SAMD12: variants seen among roughly 807,000 people sequenced by gnomAD.
The protein encoded by SAMD12 is sterile alpha motif domain containing 12, also known as sterile alpha motif domain-containing protein 12.
In SAMD12, 9 loss-of-function variants were observed where a neutral mutation model predicts 15.0. The observed-to-expected ratio is 0.60, with a 90% CI of 0.36 to 1.05. SAMD12 has a LOEUF of 1.05. SAMD12 is among the 50% of genes least tolerant of loss of function. SAMD12 has a pLI of 0.01. For missense variants in SAMD12, 230 were observed against 234.2 expected, an observed-to-expected ratio of 0.98 and a Z score of 0.12; for synonymous variants, 86 against 90.1, an observed-to-expected ratio of 0.96 and a Z score of 0.25.
At chr8:118,188,461 AAGGTTATCAC>A (rs1381135328), downstream of SAMD12, among the ~76,000 whole-genome samples, 1 of 152,202 alleles carries the variant, frequency 6.6e-6, no homozygotes, top group Non-Finnish European at 1.5e-5. Context: ...GCTAACCTAA[AAGGTTATCAC>A]AGGTTTTACT....
chr8:118,348,183 C>G (rs1410399253), intron 4 of SAMD12, among the ~76,000 whole-genome samples: 1 of 151,952 alleles, frequency 6.6e-6, no homozygotes. Context: ...ATCAAGTGAT[C>G]CTCCCACCTC....
chr8:118,183,904 C>T, the SAMD12 span, among the ~76,000 whole-genome samples: 1 of 152,114 alleles, frequency 6.6e-6, no homozygotes, highest in Non-Finnish European at 1.5e-5. Context: ...GCTTAGCTCT[C>T]ACTTGTGAAA....
chr8:118,535,404 C>A (rs1161566202), intron 2 of SAMD12, among the ~76,000 whole-genome samples: 1 of 152,240 alleles, frequency 6.6e-6, no homozygotes, highest in Non-Finnish European at 1.5e-5. Flanking sequence ...CAGGGACCCA[C>A]TTGAGGACGC....
intron 4 of SAMD12, among the ~76,000 whole-genome samples, chr8:118,335,708 C>A (rs1324392387): frequency 6.6e-6 from 1 of 152,142 alleles, no homozygotes; most frequent in African/African-American, 2.4e-5. Context: ...AAAATAGGAA[C>A]AAGGAAGTAA....
intron 4 of SAMD12, among the ~76,000 whole-genome samples, chr8:118,331,894 G>T (rs1480186472): frequency 6.6e-6 from 1 of 152,130 alleles, no homozygotes; most frequent in African/African-American, 2.4e-5. Flanking sequence ...TCAATGGATT[G>T]TTTGTCCTCA....
At chr8:118,382,991 T>A (rs1819752568) in intron 3 of SAMD12, among the ~76,000 whole-genome samples, 1 of 152,164 alleles carries the variant, frequency 6.6e-6, no homozygotes, top group African/African-American at 2.4e-5. Flanking sequence ...TTTCTAGGAG[T>A]AAATGTCCCA....
chr8:118,478,297 C>G (rs1824023534), intron 2 of SAMD12, among the ~76,000 whole-genome samples: 1 of 152,144 alleles, frequency 6.6e-6, no homozygotes, highest in African/African-American at 2.4e-5. Flanking sequence ...AGCTGCTGTT[C>G]ACTTTTCAAT....
intron 2 of SAMD12, among the ~76,000 whole-genome samples, chr8:118,544,295 T>C (rs747428435): frequency 2.0e-5 from 3 of 152,140 alleles, no homozygotes; most frequent in Non-Finnish European, 2.9e-5. Flanking sequence ...CTTGGTAAAG[T>C]GAAGTAGTCT....
chr8:118,398,332 C>A (rs1391167014), intron 3 of SAMD12, among the ~76,000 whole-genome samples: 1 of 152,082 alleles, frequency 6.6e-6, no homozygotes, highest in African/African-American at 2.4e-5. Flanking sequence ...CTGGCCGATG[C>A]AGGTTACAGT....
At chr8:118,519,316 A>G (rs1452786061) in intron 2 of SAMD12, among the ~76,000 whole-genome samples, 1 of 152,228 alleles carries the variant, frequency 6.6e-6, no homozygotes, top group Non-Finnish European at 1.5e-5. Flanking sequence ...AGCACCTTCT[A>G]TATTCCAGGC....
chr8:118,440,689 C>A (rs200547817), intron 2 of SAMD12, among the ~76,000 whole-genome samples: 21 of 116,530 alleles, frequency 1.8e-4, no homozygotes, highest in Non-Finnish European at 2.6e-4. Context: ...CACACACACA[C>A]ACACACAAAC....
intron 2 of SAMD12, among the ~76,000 whole-genome samples, chr8:118,519,576 T>C (rs777776476): frequency 2.8e-4 from 42 of 152,196 alleles, no homozygotes; most frequent in Admixed American, 1.4e-3. Flanking sequence ...TGATGACTTA[T>C]TGAGGTTAAA....
At chr8:118,175,310 T>G in the SAMD12 span, among the ~76,000 whole-genome samples, 2,049 of 152,298 alleles carry the variant, frequency 0.013, 59 homozygotes, top group African/African-American at 0.047. Flanking sequence ...AGATTGACAC[T>G]GGACCCCTAG....
At chr8:118,476,085 C>T (rs1272270854) in intron 2 of SAMD12, among the ~76,000 whole-genome samples, 1 of 152,170 alleles carries the variant, frequency 6.6e-6, no homozygotes, top group Non-Finnish European at 1.5e-5. Flanking sequence ...GCTTGGGTGT[C>T]ATTATTAAAC....
chr8:118,277,713 T>G (rs1023399106), intron 4 of SAMD12, among the ~76,000 whole-genome samples: 3 of 152,204 alleles, frequency 2.0e-5, no homozygotes, highest in Non-Finnish European at 2.9e-5. Flanking sequence ...CTGACTTTAT[T>G]TAATCCTTAT....
intron 2 of SAMD12, among the ~76,000 whole-genome samples, chr8:118,456,566 C>A (rs1054395619): frequency 2.0e-5 from 3 of 152,152 alleles, no homozygotes; most frequent in Admixed American, 6.5e-5. Context: ...CAGAATAAAA[C>A]CTTTTCTCCA....
the SAMD12 span, among the ~76,000 whole-genome samples, chr8:118,181,052 A>ATT: frequency 6.7e-6 from 1 of 148,518 alleles, no homozygotes; most frequent in African/African-American, 2.5e-5. Flanking sequence ...TTTGTATTAA[A>ATT]TTTTTTTTTT....
chr8:118,308,559 GCATCAGGGC>G (rs1815460818), intron 4 of SAMD12, among the ~76,000 whole-genome samples: 1 of 152,122 alleles, frequency 6.6e-6, no homozygotes, highest in Admixed American at 6.5e-5. Flanking sequence ...CTTCTACCAG[GCATCAGGGC>G]CATCATCACA....
the SAMD12 span, among the ~76,000 whole-genome samples, chr8:118,166,828 A>C: frequency 1.3e-5 from 2 of 152,346 alleles, no homozygotes; most frequent in Non-Finnish European, 2.9e-5. Flanking sequence ...TGCATGACTT[A>C]AGACCTCAGC....
Sources: allele counts gnomAD v4.1 joint callset (sites outside exome capture counted in the v4.1 genomes callset), GRCh38; gene constraint gnomAD v4.1.1; transcripts MANE v1.5; gene names NCBI Gene and HGNC (gene_info 2026-07-23, HGNC 2026-07-21).